SCAMP1: variants seen among roughly 807,000 people sequenced by gnomAD.
The protein encoded by SCAMP1 is secretory carrier membrane protein 1.
SCAMP1 carries 15 observed loss-of-function variants against 41.8 expected under a neutral mutation model. That is an observed-to-expected ratio of 0.36 (90% CI 0.24 to 0.55). The LOEUF is 0.55. Ranked by LOEUF, SCAMP1 falls within the 20% of genes least tolerant of loss-of-function variation. The pLI is 0.86. For missense variants in SCAMP1, 341 were observed against 412.6 expected, an observed-to-expected ratio of 0.83 and a Z score of 1.50; for synonymous variants, 135 against 136.8, an observed-to-expected ratio of 0.99 and a Z score of 0.09.
intron 7 of SCAMP1, among the ~76,000 whole-genome samples, chr5:78,458,648 G>C (rs190595069): frequency 6.6e-6 from 1 of 152,150 alleles, no homozygotes; most frequent in African/African-American, 2.4e-5. Flanking sequence ...TTGGGAGGCC[G>C]AGTCAGGTGG....
chr5:78,427,377 C>T (rs1480217831), intron 6 of SCAMP1, among the ~76,000 whole-genome samples: 5 of 152,000 alleles, frequency 3.3e-5, no homozygotes, highest in Non-Finnish European at 5.9e-5. Context: ...TGAGTGATAC[C>T]CTCATAACAC....
At chr5:78,418,011 T>C (rs1752251035) in intron 4 of SCAMP1, among the ~76,000 whole-genome samples, 1 of 152,166 alleles carries the variant, frequency 6.6e-6, no homozygotes, top group African/African-American at 2.4e-5. Flanking sequence ...TTTTCATGTT[T>C]TGACTTCTTT....
chr5:78,391,275 C>CG (rs1751489864), intron 2 of SCAMP1, among the ~76,000 whole-genome samples: 1 of 144,466 alleles, frequency 6.9e-6, no homozygotes, highest in Non-Finnish European at 1.5e-5. Flanking sequence ...GCTGGCCGGG[C>CG]GGGGGGCTGA....
intron 2 of SCAMP1, among the ~76,000 whole-genome samples, chr5:78,398,601 G>A (rs1751718943): frequency 7.1e-6 from 1 of 139,878 alleles, no homozygotes; most frequent in African/African-American, 2.7e-5. Context: ...GCCCAGGCTG[G>A]AGTGCGATCT....
At chr5:78,464,656 G>C in intron 8 of SCAMP1, among the ~76,000 whole-genome samples, 1 of 139,464 alleles carries the variant, frequency 7.2e-6, no homozygotes, top group Non-Finnish European at 1.6e-5. Context: ...GTGGCAGTGC[G>C]AAGAAGGGCT....
chr5:78,433,659 G>A lies in SCAMP1; in HGVS notation c.632+11699G>A, dbSNP rs73133726. On this transcript the variant is annotated intron_variant, in intron 6 of 8. Coordinates refer to ENST00000621999, the MANE Select transcript of SCAMP1 (RefSeq NM_004866.6). ...TCTTGGTGTTTGCTCCATTAGCTTCGGGTTTCCCCTTTGTGCCTGCCCCTC... is the reference window on the plus strand; with the variant it reads ...TCTTGGTGTTTGCTCCATTAGCTTCAGGTTTCCCCTTTGTGCCTGCCCCTC... 8.4e-3 allele frequency among the ~76,000 whole-genome samples: 1,282 copies of A among 152,158 alleles called. 21 individuals are homozygous for A. Among genetic ancestry groups the A allele is most frequent in the African/African-American group, 0.029 (1,194 of 41,510 alleles).
At chr5:78,378,879 C>G (rs1463773285) in intron 1 of SCAMP1, among the ~76,000 whole-genome samples, 1 of 152,122 alleles carries the variant, frequency 6.6e-6, no homozygotes, top group Non-Finnish European at 1.5e-5. Context: ...AATATAAATT[C>G]TCAGGCATCA....
At chr5:78,374,775 C>G (rs114590462) in intron 1 of SCAMP1, among the ~76,000 whole-genome samples, 1,638 of 152,122 alleles carry the variant, frequency 0.011, 35 homozygotes, top group African/African-American at 0.037. Flanking sequence ...TTACTAAGGA[C>G]TGATTTGGGT....
chr5:78,382,806 TGTGTGTGTGTGTGC>T (rs777851446), intron 1 of SCAMP1, among the ~76,000 whole-genome samples: 2,442 of 137,734 alleles, frequency 0.018, 28 homozygotes, highest in Middle Eastern at 0.046. Context: ...TGTGTGTGTG[TGTGTGTGTGTGTGC>T]GCCACATTTT....
chr5:78,453,653 A>T (rs1407953428), intron 7 of SCAMP1, among the ~76,000 whole-genome samples: 26 of 152,172 alleles, frequency 1.7e-4, no homozygotes, highest in East Asian at 1.2e-3. Context: ...GGCTTAGGAT[A>T]GCCTTGGCGA....
At chr5:78,394,110 C>G (rs1285537605) in intron 2 of SCAMP1, among the ~76,000 whole-genome samples, 1 of 152,056 alleles carries the variant, frequency 6.6e-6, no homozygotes, top group African/African-American at 2.4e-5. Context: ...AGAAGAACCA[C>G]AAGAGAAAAT....
intron 6 of SCAMP1, among the ~76,000 whole-genome samples, chr5:78,432,091 ATC>A (rs1752638902): frequency 6.6e-6 from 1 of 152,026 alleles, no homozygotes; most frequent in African/African-American, 2.4e-5. Context: ...TTCATTAACC[ATC>A]TCTACCTCTC....
At chr5:78,390,196 T>C (rs1260372605) in intron 2 of SCAMP1, among the ~76,000 whole-genome samples, 2 of 152,172 alleles carry the variant, frequency 1.3e-5, no homozygotes, top group East Asian at 3.9e-4. Context: ...TTGGTTGGTG[T>C]TGGGGGAAAA....
intron 2 of SCAMP1, among the ~76,000 whole-genome samples, chr5:78,415,040 A>C (rs1580676614): frequency 6.8e-6 from 1 of 146,786 alleles, no homozygotes. Flanking sequence ...TGCAGCCTCC[A>C]CCTCCCCGGT....
intron 6 of SCAMP1, among the ~76,000 whole-genome samples, chr5:78,447,726 A>G (rs941841959): frequency 6.6e-6 from 1 of 152,180 alleles, no homozygotes; most frequent in Admixed American, 6.5e-5. Context: ...ATCAAGATAT[A>G]TAAAAGAACA....
chr5:78,374,933 C>T (rs978793044), intron 1 of SCAMP1, among the ~76,000 whole-genome samples: 2 of 152,010 alleles, frequency 1.3e-5, no homozygotes, highest in Non-Finnish European at 2.9e-5. Flanking sequence ...GCTAAATACA[C>T]TTGTCTTAGA....
chr5:78,374,848 T>C (rs963683082), intron 1 of SCAMP1, among the ~76,000 whole-genome samples: 2 of 152,114 alleles, frequency 1.3e-5, no homozygotes, highest in Non-Finnish European at 2.9e-5. Flanking sequence ...TGCCATGATA[T>C]GAATTTTTCA....
chr5:78,365,461 G>A (rs1211453658), intron 1 of SCAMP1, among the ~76,000 whole-genome samples: 1 of 121,556 alleles, frequency 8.2e-6, no homozygotes, highest in Non-Finnish European at 1.6e-5. Context: ...GCGACAGTGC[G>A]AGACTCATCT....
At chr5:78,441,532 G>A (rs1184777544) in intron 6 of SCAMP1, among the ~76,000 whole-genome samples, 1 of 152,204 alleles carries the variant, frequency 6.6e-6, no homozygotes, top group Non-Finnish European at 1.5e-5. Flanking sequence ...AGCTGGCTGG[G>A]TCAGGGCACG....
Sources: allele counts gnomAD v4.1 joint callset (sites outside exome capture counted in the v4.1 genomes callset), GRCh38; gene constraint gnomAD v4.1.1; transcripts MANE v1.5; gene names NCBI Gene and HGNC (gene_info 2026-07-23, HGNC 2026-07-21).